Variants in SCMH1 observed in about 807,000 individuals in gnomAD.
SCMH1 encodes polycomb protein SCMH1.
SCMH1 carries 37 observed loss-of-function variants against 70.8 expected under a neutral mutation model. The ratio of observed to expected loss-of-function variants is 0.52; its 90% CI spans 0.40 to 0.69. SCMH1 has a LOEUF of 0.69. Ranked by LOEUF, SCMH1 falls within the 30% of genes least tolerant of loss-of-function variation. The pLI is 0.00. For missense variants in SCMH1, 607 were observed against 827.3 expected (o/e 0.73, Z 3.27); for synonymous variants, 292 against 307.4 (o/e 0.95, Z 0.52).
intron 1 of SCMH1, among the ~76,000 whole-genome samples, chr1:41,202,715 G>A (rs895829709): frequency 2.4e-4 from 37 of 152,094 alleles, no homozygotes; most frequent in Non-Finnish European, 4.4e-4. Flanking sequence ...TAGGAGGTAG[G>A]AGTAATATGA....
chr1:41,166,340 C>T (rs573523957), intron 2 of SCMH1, among the ~76,000 whole-genome samples: 65 of 152,024 alleles, frequency 4.3e-4, no homozygotes, highest in African/African-American at 1.5e-3. Context: ...TGTGTCTCCC[C>T]CACATTAATT....
intron 8 of SCMH1, among the ~76,000 whole-genome samples, chr1:41,101,808 G>T (rs1474275920): frequency 6.6e-6 from 1 of 152,086 alleles, no homozygotes; most frequent in African/African-American, 2.4e-5. Flanking sequence ...TAAAAATGGA[G>T]ACACTGGACT....
At chr1:41,222,457 C>T (rs1308150980) in intron 1 of SCMH1, among the ~76,000 whole-genome samples, 1 of 152,098 alleles carries the variant, frequency 6.6e-6, no homozygotes, top group Non-Finnish European at 1.5e-5. Flanking sequence ...CCTTTACCTT[C>T]ATATAGGAAA....
intron 6 of SCMH1, among the ~76,000 whole-genome samples, chr1:41,140,543 G>A (rs996505783): frequency 1.3e-5 from 2 of 151,922 alleles, no homozygotes; most frequent in Non-Finnish European, 2.9e-5. Flanking sequence ...TGCCCGCCTC[G>A]GCCTCCCAAA....
chr1:41,223,689 C>T (rs755932861), intron 1 of SCMH1, among the ~76,000 whole-genome samples: 5 of 151,936 alleles, frequency 3.3e-5, no homozygotes, highest in Admixed American at 6.6e-5. Flanking sequence ...TAATTTCCAG[C>T]GCCATCTTTA....
At chr1:41,206,164 C>T (rs1655496563) in intron 1 of SCMH1, among the ~76,000 whole-genome samples, 1 of 152,160 alleles carries the variant, frequency 6.6e-6, no homozygotes, top group Admixed American at 6.5e-5. Flanking sequence ...TCCTCACCAG[C>T]AACAGAATAA....
chr1:41,134,924 T>C lies in SCMH1; in HGVS notation c.412+7954A>G, dbSNP rs145749891. Reference sequence around the variant, plus strand: ...ATTATTTTTTTTTGCTAGTAGTGTGTTGAATTTTGTCAAAGCTCATATGAT... The same window carrying C: ...ATTATTTTTTTTTGCTAGTAGTGTGCTGAATTTTGTCAAAGCTCATATGAT... On this transcript the variant is annotated intron_variant, in intron 6 of 14. Transcript: ENST00000337495. Among the ~76,000 whole-genome samples the C allele has an allele frequency of 2.4e-3, 373 of 152,312 alleles. 4 individuals carry two copies. Among genetic ancestry groups the C allele is most frequent in the African/African-American group, 8.5e-3 (354 of 41,574 alleles).
At chr1:41,084,667 C>T (rs1661058431) in intron 8 of SCMH1, among the ~76,000 whole-genome samples, 1 of 152,076 alleles carries the variant, frequency 6.6e-6, no homozygotes, top group African/African-American at 2.4e-5. Flanking sequence ...GCTATAAAGA[C>T]ACATGCACAC....
chr1:41,197,217 G>A (rs1653239627), intron 1 of SCMH1, among the ~76,000 whole-genome samples: 1 of 152,120 alleles, frequency 6.6e-6, no homozygotes, highest in Non-Finnish European at 1.5e-5. Flanking sequence ...AGAACTGAAA[G>A]CAGGGATTCA....
At chr1:41,091,168 G>A (rs1045429043) in intron 8 of SCMH1, among the ~76,000 whole-genome samples, 10 of 152,002 alleles carry the variant, frequency 6.6e-5, no homozygotes, top group South Asian at 2.1e-4. Context: ...CCAGCAGCAT[G>A]TCAAAAAGCT....
chr1:41,074,072 C>CT (rs532510799), intron 9 of SCMH1, among the ~76,000 whole-genome samples: 3,095 of 128,428 alleles, frequency 0.024, 94 homozygotes, highest in African/African-American at 0.067. Flanking sequence ...TGACAGAAGT[C>CT]TTTTTTTTTT....
In SCMH1 at chr1:41,233,664, C is replaced by A. The variant is rs538438789; in HGVS notation, c.-118+8395G>T. On this transcript the variant is annotated intron_variant, in intron 1 of 14. Coordinates refer to ENST00000337495, the Ensembl canonical transcript of SCMH1. The stretch of plus-strand genomic sequence containing the variant: ...CGGTATTCCTTACTGTAACTTACAG[C>A]AAAATGATTTTTAAAAAAATATCCA... Among the ~76,000 whole-genome samples the A allele has an allele frequency of 2.0e-5, 3 of 152,268 alleles. No individual in the cohort carries two copies. The South Asian group carries it at 6.2e-4, about 32-fold the overall frequency.
chr1:41,034,103 CT>C (rs1181242332), intron 13 of SCMH1, 55 bp from the exon 14 acceptor site: 1 of 1,562,700 alleles, frequency 6.4e-7, no homozygotes, highest in Non-Finnish European at 8.7e-7. Flanking sequence ...GAGGAACATT[CT>C]GCATATGAGG....
At chr1:41,212,666 C>T (rs1248809813) in intron 1 of SCMH1, among the ~76,000 whole-genome samples, 6 of 152,080 alleles carry the variant, frequency 3.9e-5, no homozygotes, top group Admixed American at 3.3e-4. Context: ...AACCAACCAC[C>T]CCAAGCTCAG....
chr1:41,150,670 C>T (rs1644989314), intron 5 of SCMH1, among the ~76,000 whole-genome samples: 1 of 152,024 alleles, frequency 6.6e-6, no homozygotes, highest in African/African-American at 2.4e-5. Context: ...GGCACGGTGG[C>T]TCATGCTTGT....
At chr1:41,127,321 G>T (rs1487276545) in intron 6 of SCMH1, among the ~76,000 whole-genome samples, 1 of 151,924 alleles carries the variant, frequency 6.6e-6, no homozygotes, top group Non-Finnish European at 1.5e-5. Context: ...AGCTTTGCTT[G>T]GAGTGTTTTT....
chr1:41,120,904 C>T lies in SCMH1; in HGVS notation c.413-3894G>A, dbSNP rs147126280. 6.1e-3 allele frequency among the ~76,000 whole-genome samples: 934 copies of T among 152,274 alleles called. 14 individuals carry two copies. Among genetic ancestry groups the T allele is most frequent in the African/African-American group, 0.021 (890 of 41,544 alleles). ...CTATCTCTTTTATTACACTATGTTG[C>T]CTCCAAAAGTTAACATTTATTGTAC... On this transcript the variant is annotated intron_variant, in intron 6 of 14. Coordinates refer to ENST00000337495, the Ensembl canonical transcript of SCMH1.
chr1:41,029,970 T>G (rs1224712881), intron 13 of SCMH1, among the ~76,000 whole-genome samples: 3 of 152,186 alleles, frequency 2.0e-5, no homozygotes, highest in Admixed American at 2.0e-4. Flanking sequence ...TCCCAGCACT[T>G]TGGGATGCTG....
intron 8 of SCMH1, among the ~76,000 whole-genome samples, chr1:41,077,653 C>T (rs761346165): frequency 1.1e-4 from 17 of 152,192 alleles, no homozygotes; most frequent in Non-Finnish European, 2.2e-4. Context: ...AATTAGGTTC[C>T]CAACCAAGAG....
Sources: gnomAD v4.1 joint callset for allele counts (sites outside exome capture counted in the v4.1 genomes callset) on GRCh38, gnomAD v4.1.1 for gene constraint, MANE v1.5 for transcripts, NCBI Gene and HGNC (gene_info 2026-07-23, HGNC 2026-07-21) for gene names.